SHOX: variants seen among roughly 807,000 people sequenced by gnomAD.
SHOX encodes SHOX homeobox, also known as short stature homeobox protein.
Under a neutral mutation model 29.6 loss-of-function variants are expected in SHOX, and 12 were observed. That is an observed-to-expected ratio of 0.41 (90% CI 0.26 to 0.66). SHOX has a LOEUF of 0.66. SHOX is among the 30% of genes least tolerant of loss of function. The pLI is 0.35. For missense variants in SHOX, 499 were observed against 437.7 expected (o/e 1.14, Z -1.25); for synonymous variants, 214 against 200.6 (o/e 1.07, Z -0.57).
chrX:658,769 C>T (rs1472224442), intron 5 of SHOX: 7 of 358,592 alleles, frequency 2.0e-5, no homozygotes, highest in Middle Eastern at 1.0e-3. Flanking sequence ...TGCACTTGGC[C>T]TTTTTTTTTT....
At chrX:634,985 G>A in intron 2 of SHOX, 159 bp downstream of exon 2, 1 of 229,154 alleles carries the variant, frequency 4.4e-6, no homozygotes, top group Non-Finnish European at 7.2e-6. Flanking sequence ...TGGACTTTTG[G>A]AGACGCCTGA....
upstream of SHOX, among the ~76,000 whole-genome samples, chrX:629,618 C>T (rs1428965651): frequency 6.6e-6 from 1 of 152,092 alleles, no homozygotes; most frequent in Admixed American, 6.5e-5. Context: ...CCCAACCCAC[C>T]GTCACTCATG....
intron 1 of SHOX, among the ~76,000 whole-genome samples, chrX:625,078 T>TCTCCCTCCCTCCCTCC (rs1409448455): frequency 9.4e-6 from 1 of 106,144 alleles, no homozygotes; most frequent in African/African-American, 3.8e-5. Context: ...TCCCTCCTTC[T>TCTCCCTCCCTCCCTCC]CTCCCTCCCT....
At position 644,909 on chromosome X, in the gene SHOX, G is replaced by T; in HGVS notation, c.*273G>T. 1 of 444,536 alleles carries T rather than the reference G, an allele frequency of 2.2e-6. No homozygotes were observed. 27.5% of individuals were successfully genotyped at this position (444,536 alleles called of 1,614,324 possible). On this transcript the variant is annotated 3_prime_UTR_variant, in exon 5 of 5. Transcript: ENST00000686671. ...CTCCAAGGCTGCCCGTGCGTCCTGG[G>T]ACCCTGGAGAAGGGTAAACCCCCGC...
chrX:628,081 C>A (rs2124143407), upstream of SHOX, among the ~76,000 whole-genome samples: 1 of 42,196 alleles, frequency 2.4e-5, no homozygotes, highest in East Asian at 6.0e-4. Flanking sequence ...TCTTTCTCTT[C>A]CCCCTCCCTG....
intron 1 of SHOX, among the ~76,000 whole-genome samples, chrX:632,279 G>A (rs2052664830): frequency 6.6e-6 from 1 of 152,052 alleles, no homozygotes; most frequent in Non-Finnish European, 1.5e-5. Flanking sequence ...GACCTCAGTG[G>A]TGGGTCGTCC....
intron 2 of SHOX, among the ~76,000 whole-genome samples, chrX:640,154 G>A (rs2052826076): frequency 6.6e-6 from 1 of 152,062 alleles, no homozygotes; most frequent in Non-Finnish European, 1.5e-5. Flanking sequence ...AGACCAGCCT[G>A]GCCAACATGG....
rs113313554 is a variant in SHOX at position 624,523 on chromosome X, C to A, written c.-512C>A. The A allele has an allele frequency of 0.029, 4,386 of 152,102 alleles. 74 individuals are homozygous for A. Among genetic ancestry groups the A allele is most frequent in the Middle Eastern group, 0.16 (47 of 292 alleles). 9.4% of individuals were successfully genotyped at this position (152,102 alleles called of 1,614,324 possible). A position where few individuals can be genotyped will look rare whatever the true frequency, so the allele number is the denominator to read the frequency against. The stretch of plus-strand genomic sequence containing the variant: ...GCAGCCCGAGTCCGCACAGGGTTTG[C>A]GGGAGGTGGTGACCGCGCTGGGGAC... On this transcript the variant is annotated 5_prime_UTR_variant, in exon 1 of 6. Coordinates refer to the SHOX transcript ENST00000334060.
rs1363317245 is a variant in SHOX at position 644,648 on chromosome X, GC to G, written c.*18del. The G allele has an allele frequency of 6.2e-6, 9 of 1,446,054 alleles. No homozygotes were observed. Among genetic ancestry groups the G allele is most frequent in the South Asian group, 4.2e-5 (3 of 72,166 alleles). The allele number at this position is 1,446,054 out of a possible 1,614,324, so 89.6% of individuals were successfully genotyped here. ...CCCTGGGGCTCTGACCCGCCGCGCAGCCCCCCGCGCGCCCGGACTCCCGGGC... is the reference window on the plus strand; with the variant it reads ...CCCTGGGGCTCTGACCCGCCGCGCAGCCCCCGCGCGCCCGGACTCCCGGGC... On this transcript the variant is annotated 3_prime_UTR_variant, in exon 5 of 5. Transcript: ENST00000686671.
intron 2 of SHOX, among the ~76,000 whole-genome samples, chrX:636,351 T>TATAAACATATAAATAC (rs2052750545): frequency 7.1e-6 from 1 of 140,868 alleles, no homozygotes; most frequent in African/African-American, 2.6e-5. Context: ...TATATAAATA[T>TATAAACATATAAATAC]ATAAACATAT....
At chrX:657,784 C>A (rs1419648804) in intron 5 of SHOX, among the ~76,000 whole-genome samples, 1 of 152,118 alleles carries the variant, frequency 6.6e-6, no homozygotes, top group Non-Finnish European at 1.5e-5. Context: ...AGAAATGTCA[C>A]CCATGCAAAT....
chrX:636,972 T>A (rs902718579), intron 2 of SHOX, among the ~76,000 whole-genome samples: 8 of 139,174 alleles, frequency 5.7e-5, no homozygotes, highest in East Asian at 3.9e-4. Context: ...ATATATATAT[T>A]TTGGCTCCTG....
chrX:627,880 G>C (rs1034239793), upstream of SHOX, among the ~76,000 whole-genome samples: 1 of 152,160 alleles, frequency 6.6e-6, no homozygotes, highest in African/African-American at 2.4e-5. Flanking sequence ...GAGGGTTTTC[G>C]GTAGGGAGAC....
At chrX:656,626 G>A (rs1192280304) in intron 5 of SHOX, among the ~76,000 whole-genome samples, 1 of 152,114 alleles carries the variant, frequency 6.6e-6, no homozygotes, top group Non-Finnish European at 1.5e-5. Flanking sequence ...CGGATCACGA[G>A]GTCATGAGAT....
At chrX:634,915 G>A (rs1278611436) in intron 2 of SHOX, 89 bp downstream of exon 2, 9 of 1,381,718 alleles carry the variant, frequency 6.5e-6, no homozygotes, top group South Asian at 5.5e-5. Context: ...CTGCGCCCGG[G>A]CCGCCGCCGT....
At chrX:634,428 C>G (rs2124164547) in intron 1 of SHOX, among the ~76,000 whole-genome samples, 190 bp from the exon 2 acceptor site, 1 of 152,330 alleles carries the variant, frequency 6.6e-6, no homozygotes, top group South Asian at 2.1e-4. Flanking sequence ...AACGCTCGTG[C>G]AAAGCCCAGG....
At position 648,942 on chromosome X, in the gene SHOX, C is replaced by CT. The variant is rs56234560; in HGVS notation, c.*4310dup. ...TTTTTCTTTCTTTCTCTCTTTCTTT[C>CT]TTTTCTTTCTTTCTGTTTCTTTCCT... On this transcript the variant is annotated 3_prime_UTR_variant, in exon 5 of 5. Coordinates refer to ENST00000686671, the MANE Select transcript of SHOX (RefSeq NM_000451.4). 6.9e-6 allele frequency among the ~76,000 whole-genome samples: 1 copy of CT among 145,932 alleles called. No homozygotes were observed. The highest frequency in any genetic ancestry group is 1.5e-5 in the Non-Finnish European group (1 of 66,454).
rs1482394464 is a variant in SHOX at position 634,806 on chromosome X, C to A, written c.466C>A (p.Leu156Ile). Residue 156 changes from leucine (L) to isoleucine (I), a missense_variant, in exon 2 of 5, where the codon CTC becomes ATC. Coordinates refer to ENST00000686671, the MANE Select transcript of SHOX (RefSeq NM_000451.4). ...MREELSQRLGLSEARVQVWFQ... is the reference protein window; with the variant it reads ...MREELSQRLGISEARVQVWFQ... Reference sequence around the variant, plus strand: ...CGAGGAGCTCAGCCAGCGCCTGGGGCTCTCCGAGGCGCGCGTGCAGGTAGG... The same window carrying A: ...CGAGGAGCTCAGCCAGCGCCTGGGGATCTCCGAGGCGCGCGTGCAGGTAGG... 5.7e-6 allele frequency: 9 copies of A among 1,580,034 alleles called. No homozygotes were observed. Among genetic ancestry groups the A allele is most frequent in the Non-Finnish European group, 7.7e-6 (9 of 1,163,386 alleles).
chrX:624,901 TCTCTCTTC>T (rs1191152117), intron 1 of SHOX, among the ~76,000 whole-genome samples: 892 of 56,850 alleles, frequency 0.016, 26 homozygotes, highest in South Asian at 0.053. Context: ...TTTCTTTCTT[TCTCTCTTC>T]CTTTCTTTCT....
Sources: gnomAD v4.1 joint callset for allele counts (sites outside exome capture counted in the v4.1 genomes callset) on GRCh38, gnomAD v4.1.1 for gene constraint, MANE v1.5 for transcripts, NCBI Gene and HGNC (gene_info 2026-07-23, HGNC 2026-07-21) for gene names.